The following GPR137B variants were observed in gnomAD, a reference collection of about 807,000 sequenced individuals.
GPR137B encodes the protein integral membrane protein GPR137B.
In GPR137B, 42 loss-of-function variants were observed where a neutral mutation model predicts 42.5. The ratio of observed to expected loss-of-function variants is 0.99; its 90% CI spans 0.77 to 1.28. The LOEUF (loss-of-function observed/expected upper bound fraction) is 1.28, where lower values mean the gene tolerates loss of function less well. Among genes scored for constraint, GPR137B ranks in the 50% most tolerant of loss-of-function variants. The pLI, the probability that GPR137B is intolerant of heterozygous loss-of-function variation, is 0.00. For missense variants in GPR137B, 487 were observed against 493.9 expected (o/e 0.99, Z 0.13); for synonymous variants, 218 against 209.7 (o/e 1.04, Z -0.34).
intron 1 of GPR137B, among the ~76,000 whole-genome samples, chr1:236,151,315 T>A (rs1661853040): frequency 1.3e-5 from 2 of 152,200 alleles, no homozygotes; most frequent in South Asian, 2.1e-4. Context: ...TAAGGACAGA[T>A]GAAGCCCAAA....
intron 4 of GPR137B, among the ~76,000 whole-genome samples, chr1:236,183,152 C>T (rs1472836795): frequency 6.6e-6 from 1 of 152,190 alleles, no homozygotes; most frequent in South Asian, 2.1e-4. Context: ...GCTCTCTGGC[C>T]ATCTCACTGG....
chr1:236,176,778 G>A (rs17563158), intron 2 of GPR137B, among the ~76,000 whole-genome samples: 59,528 of 151,894 alleles, frequency 0.39, 11,802 homozygotes, highest in Admixed American at 0.47. Context: ...AACCTTCTTC[G>A]TGGAGACCCT....
intron 2 of GPR137B, among the ~76,000 whole-genome samples, chr1:236,175,986 G>A (rs1041093214): frequency 6.6e-6 from 1 of 152,146 alleles, no homozygotes; most frequent in Non-Finnish European, 1.5e-5. Context: ...AGATGATCCC[G>A]ACCGTGGAAA....
chr1:236,177,547 T>G (rs1000999929), intron 2 of GPR137B, among the ~76,000 whole-genome samples: 4 of 106,950 alleles, frequency 3.7e-5, no homozygotes, highest in African/African-American at 2.0e-4. Flanking sequence ...CTGTGGCAGT[T>G]TTTTGTTTTT....
chr1:236,166,804 A>G (rs970707575), intron 1 of GPR137B, among the ~76,000 whole-genome samples: 2 of 151,998 alleles, frequency 1.3e-5, no homozygotes, highest in African/African-American at 4.8e-5. Flanking sequence ...TGGCCGTCAT[A>G]AGATCATTAT....
At chr1:236,151,665 G>A (rs998328530) in intron 1 of GPR137B, among the ~76,000 whole-genome samples, 2 of 151,890 alleles carry the variant, frequency 1.3e-5, no homozygotes, top group Non-Finnish European at 2.9e-5. Flanking sequence ...CTCATGATCC[G>A]CCTGCCTCGG....
intron 1 of GPR137B, among the ~76,000 whole-genome samples, chr1:236,146,913 GTTC>G (rs1661697607): frequency 6.6e-6 from 1 of 152,026 alleles, no homozygotes; most frequent in African/African-American, 2.4e-5. Context: ...GATTCAAGCA[GTTC>G]TCCTGCCTCG....
intron 6 of GPR137B, among the ~76,000 whole-genome samples, chr1:236,207,482 T>C (rs1572015392): frequency 6.6e-6 from 1 of 152,212 alleles, no homozygotes; most frequent in East Asian, 1.9e-4. Context: ...AGAAATGACT[T>C]AGAGCTGAGG....
At chr1:236,189,389 A>G (rs1036045850) in intron 5 of GPR137B, among the ~76,000 whole-genome samples, 3 of 151,958 alleles carry the variant, frequency 2.0e-5, no homozygotes, top group Non-Finnish European at 4.4e-5. Context: ...TTGCTTCCCA[A>G]GTTCTTTTAA....
intron 1 of GPR137B, among the ~76,000 whole-genome samples, chr1:236,143,522 A>G (rs1214112726): frequency 6.6e-6 from 1 of 152,190 alleles, no homozygotes; most frequent in East Asian, 1.9e-4. Context: ...GCAGGGTGAG[A>G]CCATGTTGGT....
intron 1 of GPR137B, among the ~76,000 whole-genome samples, chr1:236,143,968 T>C (rs1661610381): frequency 6.6e-6 from 1 of 152,202 alleles, no homozygotes; most frequent in Admixed American, 6.5e-5. Flanking sequence ...GATGTCCATT[T>C]TCACTAGGAC....
At chr1:236,180,085 G>T (rs1296624939) in intron 4 of GPR137B, 57 bp downstream of exon 4, 2 of 1,485,310 alleles carry the variant, frequency 1.3e-6, no homozygotes, top group Admixed American at 3.4e-5. Flanking sequence ...TATCCTCGAG[G>T]CATTGGTTCC....
rs981371867 is a variant in GPR137B, at chr1:236,174,810, G to C, written c.465-3604G>C. Among the ~76,000 whole-genome samples the C allele has an allele frequency of 2.0e-5, 3 of 152,212 alleles. No individual in the cohort carries two copies. In the South Asian group the frequency reaches 6.2e-4, roughly 32 times the overall value. ...TGCAGTGAGCTAGGATTGCATCACT[G>C]TACTCCAGCCTGGGTGACAGAGCAA... On this transcript the variant is annotated intron_variant, in intron 2 of 6. Transcript: ENST00000366592.
intron 1 of GPR137B, among the ~76,000 whole-genome samples, chr1:236,144,809 A>G (rs1661638276): frequency 6.6e-6 from 1 of 152,192 alleles, no homozygotes; most frequent in African/African-American, 2.4e-5. Flanking sequence ...AGCTCTTTAT[A>G]TTTGTCCCCT....
At chr1:236,166,262 A>G (rs552321398) in intron 1 of GPR137B, among the ~76,000 whole-genome samples, 48 of 152,052 alleles carry the variant, frequency 3.2e-4, no homozygotes, top group Admixed American at 7.9e-4. Context: ...TCATGTATTA[A>G]TCTATTTCTT....
Position 236,178,592 on chromosome 1 carries a change from A to G in GPR137B, c.643A>G (p.Lys215Glu). The change falls in exon 3 of 7, where the codon AAA becomes GAA. Residue 215 changes from lysine to glutamate, a missense_variant. By Grantham distance (56) the Lys-to-Glu change is moderately conservative. Transcript: ENST00000366592. ...CAVSLSICLY[K>E]ISKMSLANIY... ...CGTCTCTCTCTCCATCTGTCTCTAC[A>G]AAATCTCTAAGATGTCCTTAGCCAA... 6.2e-7 allele frequency: 1 copy of G among 1,612,646 alleles called. No homozygotes were observed. Among genetic ancestry groups the G allele is most frequent in the Non-Finnish European group, 8.5e-7 (1 of 1,179,810 alleles).
At chr1:236,158,086 A>AG (rs927038224) in intron 1 of GPR137B, among the ~76,000 whole-genome samples, 2 of 152,178 alleles carry the variant, frequency 1.3e-5, no homozygotes, top group African/African-American at 2.4e-5. Flanking sequence ...TGGCACCAGG[A>AG]GGGGGCAGGC....
chr1:236,192,225 G>A (rs982550548), intron 5 of GPR137B, among the ~76,000 whole-genome samples: 4 of 152,262 alleles, frequency 2.6e-5, no homozygotes, highest in Admixed American at 2.6e-4. Context: ...TGCTGGCAGC[G>A]AGGATTTCAA....
chr1:236,144,832 G>C (rs887023457), intron 1 of GPR137B, among the ~76,000 whole-genome samples: 14 of 152,266 alleles, frequency 9.2e-5, no homozygotes, highest in African/African-American at 3.4e-4. Flanking sequence ...TTGGGGGGCA[G>C]TGGGGGAAGA....
Sources: allele counts gnomAD v4.1 joint callset (sites outside exome capture counted in the v4.1 genomes callset), GRCh38; gene constraint gnomAD v4.1.1; transcripts MANE v1.5; gene names NCBI Gene and HGNC (gene_info 2026-07-23, HGNC 2026-07-21).